The following PPP1R1C variants were observed in gnomAD, a reference collection of about 807,000 sequenced individuals.
PPP1R1C encodes the protein protein phosphatase 1 regulatory subunit 1C.
In PPP1R1C, 15 loss-of-function variants were observed where a neutral mutation model predicts 17.4. That is an observed-to-expected ratio of 0.86 (90% confidence interval 0.58 to 1.33). PPP1R1C has a LOEUF of 1.33. Ranked by LOEUF, PPP1R1C falls within the 40% of genes most tolerant of loss-of-function variation. PPP1R1C has a pLI of 0.00. For synonymous variants in PPP1R1C, 35 were observed against 43.1 expected (o/e 0.81, Z 0.73); for missense variants, 143 against 130.0 (o/e 1.10, Z -0.48).
chr2:181,998,864 AG>A (rs1464247680), intron 2 of PPP1R1C, among the ~76,000 whole-genome samples: 2 of 152,226 alleles, frequency 1.3e-5, no homozygotes, highest in African/African-American at 4.8e-5. Flanking sequence ...AATGGTTAAA[AG>A]GTTTTCAAGA....
chr2:182,072,190 T>G (rs1051553970), intron 4 of PPP1R1C, among the ~76,000 whole-genome samples: 3 of 152,164 alleles, frequency 2.0e-5, no homozygotes, highest in Admixed American at 2.0e-4. Context: ...GTAAAAACAA[T>G]TCCTCATTAC....
At chr2:181,974,718 G>T (rs11885643) in intron 1 of PPP1R1C, among the ~76,000 whole-genome samples, 9,523 of 152,238 alleles carry the variant, frequency 0.063, 983 homozygotes, top group African/African-American at 0.22. Context: ...ACAGTCACTT[G>T]GGGTTGGAAG....
intron 2 of PPP1R1C, among the ~76,000 whole-genome samples, chr2:182,058,150 TC>T (rs1166877585): frequency 2.0e-5 from 3 of 152,138 alleles, no homozygotes; most frequent in Non-Finnish European, 2.9e-5. Context: ...TGTTCCAGAA[TC>T]CCATTTAGGA....
intron 2 of PPP1R1C, among the ~76,000 whole-genome samples, chr2:181,994,175 A>G (rs1685549581): frequency 6.6e-6 from 1 of 152,118 alleles, no homozygotes. Flanking sequence ...TTTTTTTAAA[A>G]TAAGCATGCT....
chr2:181,971,466 C>A (rs914988798), intron 1 of PPP1R1C, among the ~76,000 whole-genome samples: 4 of 152,080 alleles, frequency 2.6e-5, no homozygotes, highest in Non-Finnish European at 5.9e-5. Context: ...TCTTTAATGT[C>A]CCCTCTACTC....
At chr2:182,069,274 C>CTT (rs752186150) in intron 4 of PPP1R1C, among the ~76,000 whole-genome samples, 2 of 142,910 alleles carry the variant, frequency 1.4e-5, no homozygotes, top group Non-Finnish European at 3.1e-5. Flanking sequence ...GTCTCGCTTT[C>CTT]TTTTTTTTTT....
At chr2:181,972,834 C>T (rs1486688773) in intron 1 of PPP1R1C, among the ~76,000 whole-genome samples, 1 of 152,156 alleles carries the variant, frequency 6.6e-6, no homozygotes, top group African/African-American at 2.4e-5. Flanking sequence ...TTACCTACTC[C>T]TATCATTCAT....
Position 182,117,371 on chromosome 2 carries a change from C to A in PPP1R1C, c.*76C>A. 9.5e-7 allele frequency: 1 copy of A among 1,055,844 alleles called. No individual in the cohort carries two copies. The highest frequency in any genetic ancestry group is 1.4e-6 in the Non-Finnish European group (1 of 714,134). The allele number at this position is 1,055,844 out of a possible 1,614,324, so 65.4% of individuals were successfully genotyped here. On this transcript the variant is annotated 3_prime_UTR_variant, in exon 5 of 5. Transcript: ENST00000682840. ...TTTCTGAGTATACCATGGAATTCCA[C>A]TGCTTGACTTCCAGAAGCATCCTCC...
At chr2:182,113,136 C>T (rs1689488953) in intron 4 of PPP1R1C, among the ~76,000 whole-genome samples, 1 of 152,160 alleles carries the variant, frequency 6.6e-6, no homozygotes, top group Admixed American at 6.6e-5. Flanking sequence ...ATAGCTTTGA[C>T]TTGAACATGT....
chr2:182,074,998 A>C (rs1451598182), intron 4 of PPP1R1C, among the ~76,000 whole-genome samples: 1 of 152,216 alleles, frequency 6.6e-6, no homozygotes, highest in African/African-American at 2.4e-5. Context: ...TTAAGAGAAA[A>C]AATACCAAGC....
rs72893158 is a variant in PPP1R1C at position 182,083,478 on chromosome 2, T to C, written c.241+19687T>C. Among the ~76,000 whole-genome samples, 318 of 152,318 alleles carry C rather than the reference T, an allele frequency of 2.1e-3. 2 individuals carry two copies. Among genetic ancestry groups the C allele is most frequent in the Non-Finnish European group, 3.7e-3 (251 of 68,024 alleles). On this transcript the variant is annotated intron_variant, in intron 4 of 4. Transcript: ENST00000682840. ...CATAATGTATACCCTTGTGGACCTA[T>C]AGCTTAGCTCCCTCTTGTAATCAGG...
chr2:181,972,649 A>G (rs552842776), intron 1 of PPP1R1C, among the ~76,000 whole-genome samples: 1 of 152,284 alleles, frequency 6.6e-6, no homozygotes, highest in South Asian at 2.1e-4. Context: ...CTGAGTCACT[A>G]CAAGTGACCA....
Position 182,083,654 on chromosome 2 carries a change from G to A in PPP1R1C, c.241+19863G>A, listed in dbSNP as rs763170204. ...TATATACACCACATTTTCTTTATCCGATCATTGGTTGATGGGCACTTAGTT... is the reference window on the plus strand; with the variant it reads ...TATATACACCACATTTTCTTTATCCAATCATTGGTTGATGGGCACTTAGTT... On this transcript the variant is annotated intron_variant, in intron 4 of 4. Coordinates refer to ENST00000682840, the MANE Select transcript of PPP1R1C (RefSeq NM_001080545.3). Among the ~76,000 whole-genome samples, 4 of 151,796 alleles carry A rather than the reference G, an allele frequency of 2.6e-5. No individual in the cohort carries two copies. The East Asian group carries it at 5.8e-4, about 22-fold the overall frequency.
chr2:182,085,360 A>G (rs1214636250), intron 4 of PPP1R1C, among the ~76,000 whole-genome samples: 1 of 152,088 alleles, frequency 6.6e-6, no homozygotes, highest in Non-Finnish European at 1.5e-5. Flanking sequence ...ATCTGTATAC[A>G]CATAAACACA....
chr2:182,103,608 A>G (rs1035745841), intron 4 of PPP1R1C: 3 of 152,254 alleles, frequency 2.0e-5, no homozygotes, highest in Non-Finnish European at 4.4e-5. Flanking sequence ...GTCAGAGAGT[A>G]AAACTGCCTG....
intron 1 of PPP1R1C, among the ~76,000 whole-genome samples, chr2:181,963,716 T>G (rs1389295298): frequency 6.6e-6 from 1 of 151,530 alleles, no homozygotes. Flanking sequence ...AATGATAGAG[T>G]TCCCATGTTG....
intron 4 of PPP1R1C, among the ~76,000 whole-genome samples, chr2:182,080,428 G>C (rs1688441441): frequency 1.3e-5 from 2 of 152,088 alleles, no homozygotes. Context: ...TCAACCTTTT[G>C]GTCCTGTAGA....
chr2:181,991,914 T>C (rs1212643788), intron 2 of PPP1R1C, among the ~76,000 whole-genome samples: 3 of 152,214 alleles, frequency 2.0e-5, no homozygotes, highest in African/African-American at 7.2e-5. Context: ...AAATCCTCTC[T>C]GTAGGGAAAT....
At chr2:182,086,215 TTAAGC>T (rs1398109609) in intron 4 of PPP1R1C, among the ~76,000 whole-genome samples, 1 of 152,100 alleles carries the variant, frequency 6.6e-6, no homozygotes, top group Non-Finnish European at 1.5e-5. Context: ...CTGTCACAAG[TTAAGC>T]TGTCATAAGC....
Sources: allele counts gnomAD v4.1 joint callset (sites outside exome capture counted in the v4.1 genomes callset), GRCh38; gene constraint gnomAD v4.1.1; transcripts MANE v1.5; gene names NCBI Gene and HGNC (gene_info 2026-07-23, HGNC 2026-07-21).